REN: variants seen among roughly 807,000 people sequenced by gnomAD.
The protein encoded by REN is renin.
REN carries 42 observed loss-of-function variants against 48.6 expected under a neutral mutation model. The ratio of observed to expected loss-of-function variants is 0.86; its 90% CI spans 0.68 to 1.12. REN has a LOEUF of 1.12. REN is among the 50% of genes most tolerant of loss of function. REN has a pLI of 0.00. For missense variants in REN, 443 were observed against 527.3 expected (o/e 0.84, Z 1.57); for synonymous variants, 196 against 204.6 (o/e 0.96, Z 0.36).
chr1:204,159,003 A>G (rs1253640428), intron 5 of REN, among the ~76,000 whole-genome samples: 2 of 152,182 alleles, frequency 1.3e-5, no homozygotes, highest in Non-Finnish European at 2.9e-5. Context: ...AGGCAGGGCT[A>G]CAGGTCACAG....
rs140245751 is a variant in REN, at chr1:204,164,064, A to G, written c.99-1901T>C. Among the ~76,000 whole-genome samples, 8 of 152,240 alleles carry G rather than the reference A, an allele frequency of 5.3e-5. No individual in the cohort carries two copies. In the East Asian group the frequency reaches 1.5e-3, roughly 29 times the overall value. On this transcript the variant is annotated intron_variant, in intron 1 of 9. Transcript: ENST00000272190. ...ACATAGCGGGTAGCAAAATTCCTAT[A>G]ATACTGTTTCAAAAGCTGGATTCCC...
chr1:204,159,246 G>A, intron 5 of REN, 153 bp downstream of exon 5: 1 of 728,818 alleles, frequency 1.4e-6, no homozygotes. Context: ...AATTTCAATA[G>A]TGCCTTCCAT....
At position 204,166,337 on chromosome 1, in the gene REN, T is replaced by A; in HGVS notation, c.-44A>T. The A allele has an allele frequency of 1.3e-6, 2 of 1,537,032 alleles. No homozygotes were observed. Among genetic ancestry groups the A allele is most frequent in the Non-Finnish European group, 1.8e-6 (2 of 1,109,700 alleles). ...CTCTCTCTGAGATCCACTGAGGTTCTGTGGCTCCCTTAGCCCTTCCCCTTT... is the reference window on the plus strand; with the variant it reads ...CTCTCTCTGAGATCCACTGAGGTTCAGTGGCTCCCTTAGCCCTTCCCCTTT... On this transcript the variant is annotated 5_prime_UTR_variant, in exon 1 of 10. Coordinates refer to ENST00000272190, the MANE Select transcript of REN (RefSeq NM_000537.4).
At chr1:204,165,034 C>A in intron 1 of REN, among the ~76,000 whole-genome samples, 1 of 151,682 alleles carries the variant, frequency 6.6e-6, no homozygotes. Flanking sequence ...TGCAATGGCG[C>A]TATGTCGGCT....
intron 1 of REN, among the ~76,000 whole-genome samples, chr1:204,165,006 T>C (rs1185917198): frequency 6.6e-6 from 1 of 151,902 alleles, no homozygotes; most frequent in African/African-American, 2.4e-5. Context: ...AGTTTTGCTC[T>C]TGTTGACCAG....
chr1:204,161,486 C>T (rs1224481717), intron 2 of REN, 71 bp from the exon 3 acceptor site: 1 of 1,347,084 alleles, frequency 7.4e-7, no homozygotes, highest in Non-Finnish European at 9.7e-7. Context: ...CCTGGCTTCA[C>T]TCTTGGCTCT....
Position 204,154,896 on chromosome 1 carries a change from A to C in REN, c.*120T>G. The C allele has an allele frequency of 8.5e-7, 1 of 1,176,712 alleles. No homozygotes were observed. The highest frequency in any genetic ancestry group is 1.2e-6 in the Non-Finnish European group (1 of 810,410). The allele number at this position is 1,176,712 out of a possible 1,614,324, so 72.9% of individuals were successfully genotyped here. A position where few individuals can be genotyped will look rare whatever the true frequency, so the allele number is the denominator to read the frequency against. On this transcript the variant is annotated 3_prime_UTR_variant, in exon 10 of 10. Coordinates refer to ENST00000272190, the MANE Select transcript of REN (RefSeq NM_000537.4). ...GCAGGGGTCAGGGCACGCATCCAGC[A>C]GGAGCTCCACATCCAATGTCTCCAT...
At chr1:204,160,761 C>A in intron 3 of REN, 83 bp from the exon 4 acceptor site, 1 of 977,818 alleles carries the variant, frequency 1.0e-6, no homozygotes, top group Non-Finnish European at 1.7e-6. Flanking sequence ...GTGGGTATGG[C>A]TGGTTAGCTT....
chr1:204,159,873 C>T (rs1267012843), intron 4 of REN, among the ~76,000 whole-genome samples: 1 of 152,240 alleles, frequency 6.6e-6, no homozygotes, highest in Non-Finnish European at 1.5e-5. Context: ...AGAGCTCCTC[C>T]CCTCCCCAGT....
chr1:204,164,565 C>CGTTTTTTTT (rs1658310185), intron 1 of REN, among the ~76,000 whole-genome samples: 1 of 93,714 alleles, frequency 1.1e-5, no homozygotes, highest in African/African-American at 4.5e-5. Flanking sequence ...CTTCTTCAGT[C>CGTTTTTTTT]TTTTTTTTTT....
chr1:204,158,008 T>C (rs975869418), intron 5 of REN, among the ~76,000 whole-genome samples: 1 of 152,134 alleles, frequency 6.6e-6, no homozygotes, highest in Non-Finnish European at 1.5e-5. Flanking sequence ...TCTCTTTCTT[T>C]CCATTGGCTT....
intron 9 of REN, 28 bp from the exon 10 acceptor site, chr1:204,155,205 T>C (rs1248453322): frequency 6.2e-7 from 1 of 1,613,148 alleles, no homozygotes; most frequent in South Asian, 1.1e-5. Context: ...AGTTTCTCCA[T>C]ACCCAGCACA....
intron 1 of REN, among the ~76,000 whole-genome samples, chr1:204,165,291 G>C (rs1658324260): frequency 6.6e-6 from 1 of 152,114 alleles, no homozygotes; most frequent in African/African-American, 2.4e-5. Flanking sequence ...TTTGATATTT[G>C]TAAGAATCTA....
Position 204,156,467 on chromosome 1 carries a change from G to T in REN, c.819-148C>A. 3.0e-6 allele frequency: 4 copies of T among 1,331,870 alleles called. No individual in the cohort carries two copies. The highest frequency in any genetic ancestry group is 2.5e-4 in the Middle Eastern group (1 of 3,992). The allele number at this position is 1,331,870 out of a possible 1,614,324, so 82.5% of individuals were successfully genotyped here. A position where few individuals can be genotyped will look rare whatever the true frequency, so the allele number is the denominator to read the frequency against. On this transcript the variant is annotated intron_variant, in intron 7 of 9. Coordinates refer to ENST00000272190, the MANE Select transcript of REN (RefSeq NM_000537.4). This position sits in a 1 kb window ranked among gnomAD's most constrained non-coding sequence, Gnocchi z 4.2. Reference sequence around the variant, plus strand: ...TGAGGCAGTGAGTAGAGGAGGGAAGGTACTGTCACCCTCCACCACTTCTCC... The same window carrying T: ...TGAGGCAGTGAGTAGAGGAGGGAAGTTACTGTCACCCTCCACCACTTCTCC...
chr1:204,160,249 C>A (rs185965313), intron 4 of REN, among the ~76,000 whole-genome samples: 1 of 152,344 alleles, frequency 6.6e-6, no homozygotes, highest in African/African-American at 2.4e-5. Flanking sequence ...GGGTGTAGCC[C>A]AGTCAGAGCT....
chr1:204,156,017 TG>T lies in REN; in HGVS notation c.961-100del. 1 of 1,417,262 alleles carries T rather than the reference TG, an allele frequency of 7.1e-7. No homozygotes were observed. Among genetic ancestry groups the T allele is most frequent in the Non-Finnish European group, 1.0e-6 (1 of 1,004,688 alleles). 87.8% of individuals were successfully genotyped at this position (1,417,262 alleles called of 1,614,324 possible). ...GCCTGGTCTCTCTGCTGGAGAGGGC[TG>T]GGGACAGTGCCCCGCCCCATGGGTG... On this transcript the variant is annotated intron_variant, in intron 8 of 9. Transcript: ENST00000272190. The surrounding 1 kb of genome is among the most constrained non-coding windows in gnomAD (Gnocchi z 4.2).
chr1:204,165,589 G>A lies in REN; in HGVS notation c.98+607C>T, dbSNP rs574415947. 2.6e-4 allele frequency among the ~76,000 whole-genome samples: 39 copies of A among 148,490 alleles called. No homozygotes were observed. The East Asian group carries it at 3.2e-3, about 12-fold the overall frequency. On this transcript the variant is annotated intron_variant, in intron 1 of 9. Transcript: ENST00000272190. The stretch of plus-strand genomic sequence containing the variant: ...GTACAGTTAACTGTACCCATGCCCC[G>A]ACCCCCGTCTTTTTTTTTTTTGAGA...
At position 204,156,506 on chromosome 1, in the gene REN, T is replaced by G. The variant is rs1658153607; in HGVS notation, c.818+171A>C. On this transcript the variant is annotated intron_variant, in intron 7 of 9. Transcript: ENST00000272190. The surrounding 1 kb of genome is among the most constrained non-coding windows in gnomAD (Gnocchi z 4.2). ...CACCACTTCTCCCCAGGCCCCTCCCTTCTCTGTTCCCCAGCCTGGACAGAG... is the reference window on the plus strand; with the variant it reads ...CACCACTTCTCCCCAGGCCCCTCCCGTCTCTGTTCCCCAGCCTGGACAGAG... 6.6e-6 allele frequency among the ~76,000 whole-genome samples: 1 copy of G among 152,140 alleles called. No homozygotes were observed. Among genetic ancestry groups the G allele is most frequent in the Non-Finnish European group, 1.5e-5 (1 of 67,998 alleles).
rs948974900 is a variant in REN, at chr1:204,156,802, G to A, written c.699-6C>T. 1.5e-5 allele frequency: 24 copies of A among 1,613,778 alleles called. No homozygotes were observed. The highest frequency in any genetic ancestry group is 2.7e-5 in the African/African-American group (2 of 74,922). ...CTCCCAGCGATTGGGAATTCCTAAAGGAAAGATCAGAAGCTCTTGGAAACC... is the reference window on the plus strand; with the variant it reads ...CTCCCAGCGATTGGGAATTCCTAAAAGAAAGATCAGAAGCTCTTGGAAACC... On this transcript the variant is annotated splice_region_variant and splice_polypyrimidine_tract_variant and intron_variant, in intron 6 of 9. Transcript: ENST00000272190. This position sits in a 1 kb window ranked among gnomAD's most constrained non-coding sequence, Gnocchi z 4.2.
Sources: allele counts gnomAD v4.1 joint callset (sites outside exome capture counted in the v4.1 genomes callset), GRCh38; gene constraint gnomAD v4.1.1; non-coding constraint Gnocchi (gnomAD v3.1); transcripts MANE v1.5; gene names NCBI Gene and HGNC (gene_info 2026-07-23, HGNC 2026-07-21).